SLC8A1: variants seen among roughly 807,000 people sequenced by gnomAD.
SLC8A1 encodes solute carrier family 8 member A1.
A neutral mutation model predicts 68.3 loss-of-function variants in SLC8A1; 18 were observed. That is an observed-to-expected ratio of 0.26 (90% CI 0.18 to 0.39). The LOEUF (loss-of-function observed/expected upper bound fraction) is 0.39, where lower values mean the gene tolerates loss of function less well. Ranked by LOEUF, SLC8A1 falls within the 10% of genes least tolerant of loss-of-function variation. The probability of loss-of-function intolerance (pLI) is 1.00; values close to 1 mark genes in which losing one functional copy is unlikely to be tolerated. For missense variants in SLC8A1, 985 were observed against 1,156.7 expected, an observed-to-expected ratio of 0.85 and a Z score of 2.15; for synonymous variants, 475 against 415.5, an observed-to-expected ratio of 1.14 and a Z score of -1.74.
chr2:40,097,431 AC>A (rs1373232277), exon 8 of SLC8A1: 1 of 152,048 alleles, frequency 6.6e-6, no homozygotes, highest in Non-Finnish European at 1.5e-5. Flanking sequence ...TACATGTATG[AC>A]AAACAATGCT....
chr2:40,351,892 A>T (rs991394364), intron 2 of SLC8A1, among the ~76,000 whole-genome samples: 1 of 152,204 alleles, frequency 6.6e-6, no homozygotes, highest in Non-Finnish European at 1.5e-5. Context: ...GATGTACGAC[A>T]ATTTCAAATT....
chr2:40,226,046 C>CT (rs1292830142), intron 2 of SLC8A1, among the ~76,000 whole-genome samples: 1 of 152,062 alleles, frequency 6.6e-6, no homozygotes, highest in Non-Finnish European at 1.5e-5. Flanking sequence ...ATTCTCAAGC[C>CT]AGCTTTGCTT....
intron 2 of SLC8A1, among the ~76,000 whole-genome samples, chr2:40,400,334 C>G (rs1383605527): frequency 6.6e-6 from 1 of 151,976 alleles, no homozygotes; most frequent in Non-Finnish European, 1.5e-5. Flanking sequence ...GATCCTAGAA[C>G]CGAAAGATGA....
intron 2 of SLC8A1, among the ~76,000 whole-genome samples, chr2:40,288,072 A>G (rs1033169739): frequency 4.6e-5 from 7 of 152,144 alleles, no homozygotes; most frequent in African/African-American, 1.4e-4. Context: ...GCTTCCCTGC[A>G]GACTCTGCAA....
intron 2 of SLC8A1, among the ~76,000 whole-genome samples, chr2:40,222,916 G>A (rs941011964): frequency 1.3e-5 from 2 of 152,202 alleles, no homozygotes; most frequent in East Asian, 1.9e-4. Context: ...TTACACTTTT[G>A]TTGGGAGTAT....
At chr2:40,174,560 T>G in intron 4 of SLC8A1, 146 bp downstream of exon 6, 1 of 785,518 alleles carries the variant, frequency 1.3e-6, no homozygotes, top group Non-Finnish European at 2.1e-6. Context: ...CATTATTAAT[T>G]TGTAAAACGT....
chr2:40,447,633 T>G (rs917639878), intron 1 of SLC8A1, among the ~76,000 whole-genome samples: 4 of 151,676 alleles, frequency 2.6e-5, no homozygotes, highest in African/African-American at 9.7e-5. Context: ...TAATGATTTG[T>G]GAGAATTAAT....
At chr2:40,320,048 T>C (rs1267785437) in intron 2 of SLC8A1, among the ~76,000 whole-genome samples, 1 of 152,090 alleles carries the variant, frequency 6.6e-6, no homozygotes, top group African/African-American at 2.4e-5. Context: ...GCACAACAAT[T>C]TAAGAGATGG....
chr2:40,333,572 T>C (rs2076660479), intron 2 of SLC8A1, among the ~76,000 whole-genome samples: 1 of 152,138 alleles, frequency 6.6e-6, no homozygotes, highest in Non-Finnish European at 1.5e-5. Flanking sequence ...AAGACCTAGG[T>C]ATCCCATTGA....
intron 2 of SLC8A1, among the ~76,000 whole-genome samples, chr2:40,368,288 TATC>T (rs1252741704): frequency 2.6e-5 from 4 of 152,068 alleles, no homozygotes; most frequent in Admixed American, 2.6e-4. Context: ...TTTACAATAA[TATC>T]ATAAAAGATT....
chr2:40,194,644 A>G (rs894090435), intron 2 of SLC8A1, among the ~76,000 whole-genome samples: 2 of 152,118 alleles, frequency 1.3e-5, no homozygotes, highest in African/African-American at 4.8e-5. Context: ...TGGAGGCATT[A>G]ATAAAATTAA....
chr2:40,129,081 A>G (rs750967391), intron 7 of SLC8A1, among the ~76,000 whole-genome samples: 26 of 152,200 alleles, frequency 1.7e-4, no homozygotes, highest in Non-Finnish European at 3.4e-4. Context: ...AGACTCAGTG[A>G]ATTTACTAAA....
chr2:40,358,914 C>T (rs989211143), intron 2 of SLC8A1, among the ~76,000 whole-genome samples: 17 of 152,246 alleles, frequency 1.1e-4, no homozygotes, highest in African/African-American at 4.1e-4. Context: ...GTAGGAAGGA[C>T]TTTACTGAGC....
chr2:40,428,433 A>G, intron 2 of SLC8A1, 40 bp downstream of exon 2: 1 of 1,227,482 alleles, frequency 8.1e-7, no homozygotes, highest in East Asian at 2.4e-5. Context: ...CCACACACAC[A>G]CACACACACA....
At chr2:40,412,818 G>A (rs191176959) in intron 2 of SLC8A1, among the ~76,000 whole-genome samples, 3 of 152,196 alleles carry the variant, frequency 2.0e-5, no homozygotes, top group East Asian at 3.9e-4. Context: ...AACTATTGAT[G>A]GATATTTTTG....
chr2:40,252,872 TAA>T (rs2063039816), intron 2 of SLC8A1, among the ~76,000 whole-genome samples: 1 of 111,458 alleles, frequency 9.0e-6, no homozygotes, highest in Non-Finnish European at 1.7e-5. Flanking sequence ...TTGATTCCAA[TAA>T]TATATATTTT....
At chr2:40,315,693 G>A (rs2074351209) in intron 2 of SLC8A1, among the ~76,000 whole-genome samples, 2 of 151,866 alleles carry the variant, frequency 1.3e-5, no homozygotes, top group African/African-American at 4.8e-5. Flanking sequence ...CAAACCTTCA[G>A]GAATATTTAT....
intron 2 of SLC8A1, among the ~76,000 whole-genome samples, chr2:40,335,055 T>C (rs1484945087): frequency 1.3e-5 from 2 of 152,220 alleles, no homozygotes; most frequent in Admixed American, 6.5e-5. Flanking sequence ...AGGTCATTAG[T>C]GCTCCCATTT....
intron 2 of SLC8A1, among the ~76,000 whole-genome samples, chr2:40,254,256 C>CTATTTTTAAT (rs1448382393): frequency 3.3e-5 from 5 of 152,206 alleles, no homozygotes; most frequent in Admixed American, 6.5e-5. Flanking sequence ...AGATTGGGGT[C>CTATTTTTAAT]TTAAGTAATT....
Sources: allele counts gnomAD v4.1 joint callset (sites outside exome capture counted in the v4.1 genomes callset), GRCh38; gene constraint gnomAD v4.1.1; transcripts MANE v1.5; gene names NCBI Gene and HGNC (gene_info 2026-07-23, HGNC 2026-07-21).